The following IMMP2L variants were observed in gnomAD, a reference collection of about 807,000 sequenced individuals.
The protein encoded by IMMP2L is mitochondrial inner membrane protease subunit 2.
Under a neutral mutation model 19.3 loss-of-function variants are expected in IMMP2L, and 18 were observed. The observed-to-expected ratio is 0.93, with a 90% CI of 0.64 to 1.38. The LOEUF (loss-of-function observed/expected upper bound fraction) is 1.38, where lower values mean the gene tolerates loss of function less well. Among genes scored for constraint, IMMP2L ranks in the 40% most tolerant of loss-of-function variants. The pLI is 0.00. For missense variants in IMMP2L, 233 were observed against 218.2 expected (o/e 1.07, Z -0.43); for synonymous variants, 76 against 73.0 (o/e 1.04, Z -0.21).
Position 111,317,168 on chromosome 7 carries a change from A to G in IMMP2L, c.239+170070T>C, listed in dbSNP as rs146774566. Among the ~76,000 whole-genome samples the G allele has an allele frequency of 3.0e-3, 459 of 152,112 alleles. 1 individual carries two copies. The highest frequency in any genetic ancestry group is 0.01 in the African/African-American group (435 of 41,522). On this transcript the variant is annotated intron_variant, in intron 3 of 5. Coordinates refer to ENST00000405709, the MANE Select transcript of IMMP2L (RefSeq NM_032549.4). ...TTTGTACAGACATGAAAGTGTCTCA[A>G]CGTGGTTAAGTGAGTTTGGAAGAGC...
intron 4 of IMMP2L, among the ~76,000 whole-genome samples, chr7:110,910,161 C>A (rs531062888): frequency 1.3e-5 from 2 of 151,966 alleles, no homozygotes; most frequent in African/African-American, 4.8e-5. Flanking sequence ...TGGGATGAAG[C>A]GTGAAATACT....
chr7:111,461,997 C>A (rs531153691), intron 3 of IMMP2L, among the ~76,000 whole-genome samples: 24 of 151,724 alleles, frequency 1.6e-4, no homozygotes, highest in Non-Finnish European at 2.4e-4. Flanking sequence ...CGTGCACAAA[C>A]ACAGAGATAA....
chr7:111,019,330 C>T (rs1826044407), intron 3 of IMMP2L, among the ~76,000 whole-genome samples: 1 of 152,148 alleles, frequency 6.6e-6, no homozygotes, highest in Admixed American at 6.5e-5. Flanking sequence ...GATCTGTATC[C>T]TTGCTGTGCT....
intron 3 of IMMP2L, among the ~76,000 whole-genome samples, chr7:111,085,469 A>T (rs1404234566): frequency 6.6e-6 from 1 of 152,148 alleles, no homozygotes; most frequent in Non-Finnish European, 1.5e-5. Context: ...GCGTCCCATT[A>T]ATCTAGTAAG....
rs191946417 is a variant in IMMP2L, at chr7:111,199,800, A to G, written c.240-236235T>C. ...TTAAAACCATCAACCTCATTTCAGT[A>G]GATGTCTTATCTCACATAAAGTATG... On this transcript the variant is annotated intron_variant, in intron 3 of 5. Coordinates refer to ENST00000405709, the MANE Select transcript of IMMP2L (RefSeq NM_032549.4). Among the ~76,000 whole-genome samples the G allele has an allele frequency of 1.6e-3, 251 of 152,266 alleles. 2 individuals carry two copies. Among genetic ancestry groups the G allele is most frequent in the Middle Eastern group, 3.4e-3 (1 of 294 alleles).
chr7:111,006,725 T>A (rs1824324930), intron 3 of IMMP2L, among the ~76,000 whole-genome samples: 1 of 152,114 alleles, frequency 6.6e-6, no homozygotes. Flanking sequence ...TAACAGGCTC[T>A]CACCTTTTGC....
intron 3 of IMMP2L, among the ~76,000 whole-genome samples, chr7:111,427,012 T>C (rs1487963817): frequency 2.0e-5 from 3 of 151,192 alleles, no homozygotes; most frequent in Non-Finnish European, 4.4e-5. Context: ...CATAGTCTCA[T>C]TGCATTACTG....
At chr7:111,239,661 GA>G (rs1226861475) in intron 3 of IMMP2L, among the ~76,000 whole-genome samples, 1 of 151,826 alleles carries the variant, frequency 6.6e-6, no homozygotes, top group Non-Finnish European at 1.5e-5. Context: ...ATGCAATCCA[GA>G]AAACTTAATC....
chr7:111,384,505 T>C (rs1407454150), intron 3 of IMMP2L, among the ~76,000 whole-genome samples: 2 of 152,074 alleles, frequency 1.3e-5, no homozygotes, highest in Non-Finnish European at 2.9e-5. Flanking sequence ...CTAAAGCACT[T>C]TGTAGGGCAG....
chr7:111,416,536 A>G (rs554524011), intron 3 of IMMP2L, among the ~76,000 whole-genome samples: 1 of 151,988 alleles, frequency 6.6e-6, no homozygotes, highest in Admixed American at 6.5e-5. Flanking sequence ...GTCTTTGGAG[A>G]TGCCTTATTA....
At chr7:111,396,446 A>T (rs1832872531) in intron 3 of IMMP2L, among the ~76,000 whole-genome samples, 1 of 152,098 alleles carries the variant, frequency 6.6e-6, no homozygotes, top group Admixed American at 6.5e-5. Flanking sequence ...TGGCAGTTGA[A>T]CAATGAGAAC....
At chr7:110,745,910 T>A (rs1797308507) in intron 5 of IMMP2L, among the ~76,000 whole-genome samples, 1 of 152,044 alleles carries the variant, frequency 6.6e-6, no homozygotes. Flanking sequence ...AATATTAACC[T>A]TAAATGTAAA....
At chr7:111,081,062 T>G (rs1178283941) in intron 3 of IMMP2L, among the ~76,000 whole-genome samples, 1 of 152,214 alleles carries the variant, frequency 6.6e-6, no homozygotes, top group Non-Finnish European at 1.5e-5. Context: ...AGGATAAGTA[T>G]TTGTGTACTT....
At chr7:111,105,795 T>C (rs1798483333) in intron 3 of IMMP2L, among the ~76,000 whole-genome samples, 1 of 151,896 alleles carries the variant, frequency 6.6e-6, no homozygotes, top group Non-Finnish European at 1.5e-5. Flanking sequence ...AAGAAATAGA[T>C]AGAGATGCCT....
chr7:110,949,939 T>C (rs1817626321), intron 4 of IMMP2L, among the ~76,000 whole-genome samples: 2 of 152,112 alleles, frequency 1.3e-5, no homozygotes, highest in African/African-American at 4.8e-5. Context: ...ATATACCCTA[T>C]GAATCTAAAA....
chr7:110,930,869 C>T (rs1815398309), intron 4 of IMMP2L, among the ~76,000 whole-genome samples: 1 of 152,184 alleles, frequency 6.6e-6, no homozygotes, highest in African/African-American at 2.4e-5. Flanking sequence ...AAAGCAACAG[C>T]TATGTTTATA....
intron 3 of IMMP2L, among the ~76,000 whole-genome samples, chr7:111,012,066 G>A (rs1168781894): frequency 6.6e-6 from 1 of 152,082 alleles, no homozygotes; most frequent in Non-Finnish European, 1.5e-5. Flanking sequence ...GATATTTATG[G>A]AGTTCGAGTG....
At position 111,140,011 on chromosome 7, in the gene IMMP2L, ATTTTC is replaced by A. The variant is rs1802721447; in HGVS notation, c.240-176451_240-176447del. On this transcript the variant is annotated intron_variant, in intron 3 of 5. Coordinates refer to ENST00000405709, the MANE Select transcript of IMMP2L (RefSeq NM_032549.4). ...TAGAATTACATTTCCTACATATGTT[ATTTTC>A]TTGGAGTTCAATGAACAGGACTGAA... Among the ~76,000 whole-genome samples, 4 of 152,156 alleles carry A rather than the reference ATTTTC, an allele frequency of 2.6e-5. No individual in the cohort carries two copies. In the South Asian group the frequency reaches 8.3e-4, roughly 31 times the overall value.
At chr7:110,719,436 C>G (rs1795434715) in intron 5 of IMMP2L, among the ~76,000 whole-genome samples, 1 of 151,992 alleles carries the variant, frequency 6.6e-6, no homozygotes, top group South Asian at 2.1e-4. Context: ...GAAAATTGAT[C>G]AGGATTTTTT....
Sources: gnomAD v4.1 joint callset for allele counts (sites outside exome capture counted in the v4.1 genomes callset) on GRCh38, gnomAD v4.1.1 for gene constraint, MANE v1.5 for transcripts, NCBI Gene and HGNC (gene_info 2026-07-23, HGNC 2026-07-21) for gene names.